Variants in ELP3 observed in about 807,000 individuals in gnomAD.
The protein encoded by ELP3 is elongator complex protein 3.
Under a neutral mutation model 74.9 loss-of-function variants are expected in ELP3, and 56 were observed. The observed-to-expected ratio is 0.75, with a 90% CI of 0.60 to 0.93. The LOEUF (loss-of-function observed/expected upper bound fraction) is 0.93. Ranked by LOEUF, ELP3 falls within the 40% of genes least tolerant of loss-of-function variation. The pLI is 0.00. For synonymous variants in ELP3, 222 were observed against 239.8 expected (o/e 0.93, Z 0.68); for missense variants, 573 against 686.5 (o/e 0.83, Z 1.85).
intron 3 of ELP3, among the ~76,000 whole-genome samples, chr8:28,103,629 C>A (rs1811576335): frequency 6.6e-6 from 1 of 152,218 alleles, no homozygotes; most frequent in African/African-American, 2.4e-5. Flanking sequence ...CAAACTCTTC[C>A]AGCATGGCTG....
At chr8:28,172,499 A>G (rs1253779251) in intron 14 of ELP3, among the ~76,000 whole-genome samples, 1 of 152,100 alleles carries the variant, frequency 6.6e-6, no homozygotes, top group African/African-American at 2.4e-5. Context: ...ATTTTGTATT[A>G]TGCAACTTTG....
At chr8:28,155,663 A>G (rs1162144670) in intron 10 of ELP3, among the ~76,000 whole-genome samples, 1 of 152,180 alleles carries the variant, frequency 6.6e-6, no homozygotes, top group Non-Finnish European at 1.5e-5. Context: ...TTGGGCATTC[A>G]GTCATTTGCT....
At chr8:28,130,975 G>C (rs914162310) in intron 8 of ELP3, among the ~76,000 whole-genome samples, 2 of 152,194 alleles carry the variant, frequency 1.3e-5, no homozygotes, top group Non-Finnish European at 2.9e-5. Context: ...CCACCAGCAC[G>C]CATAAAGCTA....
chr8:28,185,530 T>C (rs1815203459), intron 14 of ELP3, among the ~76,000 whole-genome samples: 1 of 152,206 alleles, frequency 6.6e-6, no homozygotes, highest in African/African-American at 2.4e-5. Flanking sequence ...CGCAGTGTGA[T>C]TACTAAAACA....
chr8:28,090,449 T>A (rs1811021316), upstream of ELP3: 2 of 300,512 alleles, frequency 6.7e-6, no homozygotes, highest in Non-Finnish European at 1.3e-5. Flanking sequence ...TGCTTCTTGG[T>A]CTTGTGATAA....
chr8:28,095,906 G>A (rs1198033723), intron 1 of ELP3, among the ~76,000 whole-genome samples: 3 of 152,166 alleles, frequency 2.0e-5, no homozygotes, highest in African/African-American at 4.8e-5. Context: ...CCTGGGCCAC[G>A]GACCAGTACC....
rs1286493553 is a variant in ELP3 at position 28,108,447 on chromosome 8, A to AT, written c.393+480dup. On this transcript the variant is annotated intron_variant, in intron 5 of 14. Coordinates refer to ENST00000256398, the MANE Select transcript of ELP3 (RefSeq NM_018091.6). Reference sequence around the variant, plus strand: ...GGTCCCATTGTCTTCTGGAATTTACATTTTTTTTTCTTTTTTTTTTTTTTT... The same window carrying AT: ...GGTCCCATTGTCTTCTGGAATTTACATTTTTTTTTTCTTTTTTTTTTTTTTT... 6.8e-3 allele frequency among the ~76,000 whole-genome samples: 844 copies of AT among 123,308 alleles called. 11 individuals are homozygous for AT. The highest frequency in any genetic ancestry group is 0.024 in the African/African-American group (792 of 32,474). The allele number at this position is 123,308 out of a possible 152,430, so 80.9% of individuals were successfully genotyped here.
intron 10 of ELP3, among the ~76,000 whole-genome samples, chr8:28,151,920 A>G (rs1226934380): frequency 6.6e-6 from 1 of 152,216 alleles, no homozygotes; most frequent in Non-Finnish European, 1.5e-5. Flanking sequence ...ATCTCACAAT[A>G]TTGTAGGAGT....
intron 2 of ELP3, among the ~76,000 whole-genome samples, chr8:28,098,088 A>C (rs962988342): frequency 4.6e-5 from 7 of 151,316 alleles, no homozygotes; most frequent in African/African-American, 1.5e-4. Flanking sequence ...ATCTAATCCA[A>C]CCCTCCCCTG....
chr8:28,121,228 T>C (rs925806543), intron 7 of ELP3, among the ~76,000 whole-genome samples: 2 of 152,092 alleles, frequency 1.3e-5, no homozygotes, highest in African/African-American at 4.8e-5. Flanking sequence ...GTATAAGCCT[T>C]TTGTAAACAA....
intron 9 of ELP3, among the ~76,000 whole-genome samples, chr8:28,137,338 A>G (rs968842838): frequency 3.3e-5 from 5 of 152,206 alleles, no homozygotes. Flanking sequence ...AAGAAGTGGC[A>G]TTCAAACTGA....
At chr8:28,160,005 T>C (rs193123315) in intron 12 of ELP3, among the ~76,000 whole-genome samples, 92 of 152,348 alleles carry the variant, frequency 6.0e-4, no homozygotes, top group African/African-American at 2.1e-3. Context: ...GTTCAAGTAT[T>C]TGTGAAATTA....
Position 28,117,019 on chromosome 8 carries a change from A to G in ELP3, c.617+3846A>G, listed in dbSNP as rs538506746. On this transcript the variant is annotated intron_variant, in intron 7 of 14. Coordinates refer to ENST00000256398, the MANE Select transcript of ELP3 (RefSeq NM_018091.6). Reference sequence around the variant, plus strand: ...TTCCCTGGCAGGGACATCTATGAAGATAAGTTTTTCTCTGCAAGCTTATAT... The same window carrying G: ...TTCCCTGGCAGGGACATCTATGAAGGTAAGTTTTTCTCTGCAAGCTTATAT... 5.3e-5 allele frequency among the ~76,000 whole-genome samples: 8 copies of G among 152,262 alleles called. No individual in the cohort carries two copies. The South Asian group carries it at 1.7e-3, about 32-fold the overall frequency.
intron 2 of ELP3, among the ~76,000 whole-genome samples, chr8:28,099,340 C>T (rs2130351593): frequency 6.6e-6 from 1 of 152,048 alleles, no homozygotes; most frequent in South Asian, 2.1e-4. Context: ...ATTTCCTCCT[C>T]AGGACATTTG....
chr8:28,140,588 G>T (rs958068720), intron 10 of ELP3, among the ~76,000 whole-genome samples: 1 of 152,130 alleles, frequency 6.6e-6, no homozygotes, highest in Non-Finnish European at 1.5e-5. Context: ...AATTTGAGTT[G>T]CCCAGCATTG....
intron 14 of ELP3, among the ~76,000 whole-genome samples, chr8:28,171,825 C>T (rs186546614): frequency 3.3e-5 from 5 of 152,132 alleles, no homozygotes; most frequent in Non-Finnish European, 7.4e-5. Context: ...ATTTTGAGTT[C>T]ATTTTTGTAT....
At chr8:28,105,090 T>G (rs772939699) in intron 3 of ELP3, among the ~76,000 whole-genome samples, 36 of 152,162 alleles carry the variant, frequency 2.4e-4, no homozygotes, top group Non-Finnish European at 4.4e-4. Context: ...CAATAAAATG[T>G]TCCAGGCTTG....
chr8:28,125,302 T>C (rs533238666), intron 7 of ELP3, among the ~76,000 whole-genome samples: 1 of 152,274 alleles, frequency 6.6e-6, no homozygotes, highest in South Asian at 2.1e-4. Flanking sequence ...TACTGTGCAA[T>C]TTGGTTTGAA....
chr8:28,188,475 C>T (rs917232602), intron 14 of ELP3, among the ~76,000 whole-genome samples: 5 of 151,946 alleles, frequency 3.3e-5, no homozygotes, highest in Non-Finnish European at 5.9e-5. Context: ...CTCCCTCCTC[C>T]GGGGAGGGAA....
Sources: allele counts gnomAD v4.1 joint callset (sites outside exome capture counted in the v4.1 genomes callset), GRCh38; gene constraint gnomAD v4.1.1; transcripts MANE v1.5; gene names NCBI Gene and HGNC (gene_info 2026-07-23, HGNC 2026-07-21).